The following KCNK1 variants were observed in gnomAD, a reference collection of about 807,000 sequenced individuals.
KCNK1 encodes the protein potassium channel subfamily K member 1.
KCNK1 carries 10 observed loss-of-function variants against 22.2 expected under a neutral mutation model. That is an observed-to-expected ratio of 0.45 (90% CI 0.28 to 0.76). The LOEUF (loss-of-function observed/expected upper bound fraction) is 0.76. Ranked by LOEUF, KCNK1 falls within the 30% of genes least tolerant of loss-of-function variation. The pLI is 0.14. For missense variants in KCNK1, 378 were observed against 421.0 expected (o/e 0.90, Z 0.89); for synonymous variants, 200 against 186.4 (o/e 1.07, Z -0.60).
intron 1 of KCNK1, among the ~76,000 whole-genome samples, chr1:233,632,266 A>G (rs1488492850): frequency 1.3e-5 from 2 of 152,172 alleles, no homozygotes; most frequent in Non-Finnish European, 2.9e-5. Flanking sequence ...TCACTTTAAC[A>G]TCGTTGCTCT....
intron 1 of KCNK1, among the ~76,000 whole-genome samples, chr1:233,627,056 G>T (rs1438037966): frequency 2.0e-5 from 3 of 151,874 alleles, no homozygotes. Flanking sequence ...AGTGTGTCAG[G>T]TTCAAATAAA....
chr1:233,667,325 CT>C (rs1558120936), intron 2 of KCNK1, among the ~76,000 whole-genome samples: 1 of 152,116 alleles, frequency 6.6e-6, no homozygotes, highest in Non-Finnish European at 1.5e-5. Flanking sequence ...TTATGGTTTC[CT>C]TCAAAACTGT....
chr1:233,666,091 A>G (rs1260086457), intron 1 of KCNK1, among the ~76,000 whole-genome samples: 3 of 152,136 alleles, frequency 2.0e-5, no homozygotes, highest in African/African-American at 7.2e-5. Flanking sequence ...TCTTGGTTCT[A>G]TTCACACACC....
intron 1 of KCNK1, among the ~76,000 whole-genome samples, chr1:233,630,304 A>T (rs12132022): frequency 1.7e-3 from 258 of 152,322 alleles, no homozygotes; most frequent in Non-Finnish European, 3.2e-3. Context: ...CAAAACCCCA[A>T]CTTCAGTTCA....
intron 1 of KCNK1, among the ~76,000 whole-genome samples, chr1:233,641,094 A>G (rs1657992104): frequency 1.3e-5 from 2 of 152,162 alleles, no homozygotes; most frequent in South Asian, 2.1e-4. Context: ...TTATCCTGAG[A>G]TGGTAAGTTT....
At chr1:233,663,651 C>T (rs976263168) in intron 1 of KCNK1, among the ~76,000 whole-genome samples, 2 of 152,102 alleles carry the variant, frequency 1.3e-5, no homozygotes, top group Non-Finnish European at 2.9e-5. Flanking sequence ...TAAAGGCCTT[C>T]GTGGAGTCCA....
intron 1 of KCNK1, among the ~76,000 whole-genome samples, chr1:233,615,794 T>TCTTGGTAATTA (rs1353498395): frequency 6.6e-6 from 1 of 151,932 alleles, no homozygotes; most frequent in Non-Finnish European, 1.5e-5. Context: ...TTGTTGACTA[T>TCTTGGTAATTA]CTTGGTAATT....
chr1:233,663,924 C>T (rs997756420), intron 1 of KCNK1, among the ~76,000 whole-genome samples: 17 of 152,154 alleles, frequency 1.1e-4, no homozygotes, highest in African/African-American at 3.1e-4. Flanking sequence ...CTCCGCCTCA[C>T]GGGTTCAAAC....
At chr1:233,619,937 G>GA (rs1657552251) in intron 1 of KCNK1, among the ~76,000 whole-genome samples, 1 of 137,794 alleles carries the variant, frequency 7.3e-6, no homozygotes, top group South Asian at 2.6e-4. Flanking sequence ...GGGGGCGGGG[G>GA]GGCAGGGGGG....
chr1:233,659,235 G>A (rs769758219), intron 1 of KCNK1, among the ~76,000 whole-genome samples: 2 of 149,130 alleles, frequency 1.3e-5, no homozygotes, highest in Non-Finnish European at 3.0e-5. Context: ...ACTAAGACAC[G>A]AACACACACA....
chr1:233,633,153 AGAG>A (rs1657835428), intron 1 of KCNK1, among the ~76,000 whole-genome samples: 2 of 151,080 alleles, frequency 1.3e-5, no homozygotes, highest in South Asian at 2.1e-4. Flanking sequence ...GGGGTGGAGA[AGAG>A]GAGGTTACAA....
intron 1 of KCNK1, among the ~76,000 whole-genome samples, chr1:233,648,480 T>A (rs1658141862): frequency 6.6e-6 from 1 of 152,154 alleles, no homozygotes; most frequent in South Asian, 2.1e-4. Context: ...ATTTTTTTTT[T>A]AACCATGAGA....
intron 1 of KCNK1, among the ~76,000 whole-genome samples, chr1:233,619,833 C>T (rs370826819): frequency 1.3e-3 from 195 of 148,462 alleles, no homozygotes; most frequent in African/African-American, 4.7e-3. Context: ...TTGCTTGAAC[C>T]TGGGAGGTGG....
At chr1:233,642,201 A>G (rs958289599) in intron 1 of KCNK1, among the ~76,000 whole-genome samples, 1 of 152,116 alleles carries the variant, frequency 6.6e-6, no homozygotes, top group Admixed American at 6.5e-5. Flanking sequence ...ACCTCATGCT[A>G]GTCACTCTAC....
chr1:233,666,812 T>C lies in KCNK1; in HGVS notation c.573T>C (p.Thr191=), dbSNP rs775267288. ...ATGCCGTGCTCCTTGGGTTTGTCAC[T>C]GTGTCCTGCTTCTTCTTCATCCCGG... ...IVHAVLLGFV[T]VSCFFFIPAA... Residue 191 remains threonine, a synonymous_variant, in exon 2 of 3, where the codon ACT becomes ACC. Transcript: ENST00000366621. 6 of 1,614,114 alleles carry C rather than the reference T, an allele frequency of 3.7e-6. No homozygotes were observed. In the South Asian group the frequency reaches 5.5e-5, roughly 15 times the overall value.
rs1373286687 is a variant in KCNK1 at position 233,614,128 on chromosome 1, C to G, written c.-44C>G. 2.9e-6 allele frequency: 4 copies of G among 1,368,704 alleles called. No individual in the cohort carries two copies. The highest frequency in any genetic ancestry group is 2.9e-5 in the Admixed American group (1 of 34,284). The allele number at this position is 1,368,704 out of a possible 1,614,324, so 84.8% of individuals were successfully genotyped here. A position where few individuals can be genotyped will look rare whatever the true frequency, so the allele number is the denominator to read the frequency against. ...GCCAGAAGAGGCGGCGGGCCGCGCT[C>G]CGGCCGGTCTGCGGCGTTGGCCTTG... On this transcript the variant is annotated 5_prime_UTR_variant, in exon 1 of 3. Transcript: ENST00000366621.
At chr1:233,631,960 G>T (rs1305206336) in intron 1 of KCNK1, among the ~76,000 whole-genome samples, 1 of 152,174 alleles carries the variant, frequency 6.6e-6, no homozygotes, top group Non-Finnish European at 1.5e-5. Context: ...CTTGACAGAG[G>T]TCTCATAGTT....
At chr1:233,631,170 T>C (rs1657783959) in intron 1 of KCNK1, 1 of 455,676 alleles carries the variant, frequency 2.2e-6, no homozygotes, top group Non-Finnish European at 4.6e-6. Context: ...ATCCACAGTC[T>C]ATTTTATTTA....
chr1:233,641,896 G>T (rs528170871), intron 1 of KCNK1, among the ~76,000 whole-genome samples: 4 of 152,202 alleles, frequency 2.6e-5, no homozygotes, highest in African/African-American at 9.7e-5. Context: ...GCAGGGAGCC[G>T]CTTGGGCAGC....
Sources: allele counts gnomAD v4.1 joint callset (sites outside exome capture counted in the v4.1 genomes callset), GRCh38; gene constraint gnomAD v4.1.1; transcripts MANE v1.5; gene names NCBI Gene and HGNC (gene_info 2026-07-23, HGNC 2026-07-21).